CEP63: variants seen among roughly 807,000 people sequenced by gnomAD.
CEP63 encodes centrosomal protein of 63 kDa.
CEP63 carries 84 observed loss-of-function variants against 89.1 expected under a neutral mutation model. That is an observed-to-expected ratio of 0.94 (90% CI 0.79 to 1.13). The LOEUF (loss-of-function observed/expected upper bound fraction) is 1.13. CEP63 is among the 50% of genes most tolerant of loss of function. CEP63 has a pLI of 0.00. For missense variants in CEP63, 838 were observed against 813.3 expected (o/e 1.03, Z -0.37); for synonymous variants, 267 against 272.5 (o/e 0.98, Z 0.20).
At chr3:134,519,778 C>T (rs1393441419) in intron 3 of CEP63, among the ~76,000 whole-genome samples, 1 of 151,968 alleles carries the variant, frequency 6.6e-6, no homozygotes, top group Non-Finnish European at 1.5e-5. Flanking sequence ...TGGGTTGTTT[C>T]AACATTCATA....
At chr3:134,775,486 C>A in the CEP63 span, among the ~76,000 whole-genome samples, 981 of 152,262 alleles carry the variant, frequency 6.4e-3, 6 homozygotes, top group African/African-American at 0.021. Flanking sequence ...GAGGCAGTGC[C>A]CATTTGGCCA....
At chr3:134,701,243 C>A in the CEP63 span, among the ~76,000 whole-genome samples, 1 of 109,918 alleles carries the variant, frequency 9.1e-6, no homozygotes, top group African/African-American at 4.3e-5. Flanking sequence ...TATATACACA[C>A]ATATATACAT....
the CEP63 span, among the ~76,000 whole-genome samples, chr3:134,768,375 T>A: frequency 1.3e-5 from 2 of 152,222 alleles, no homozygotes; most frequent in African/African-American, 2.4e-5. Context: ...CTGCAGACTT[T>A]GCCTACAGAT....
the CEP63 span, among the ~76,000 whole-genome samples, chr3:134,734,241 T>C: frequency 6.6e-6 from 1 of 152,174 alleles, no homozygotes; most frequent in Admixed American, 6.5e-5. Flanking sequence ...CTTTAGCAGG[T>C]GAATGGTTAA....
the CEP63 span, among the ~76,000 whole-genome samples, chr3:134,669,699 T>G: frequency 1.3e-5 from 2 of 152,224 alleles, no homozygotes; most frequent in Non-Finnish European, 2.9e-5. Flanking sequence ...CCATGGTTTC[T>G]GTAGGACTAA....
At chr3:134,771,055 C>G in the CEP63 span, among the ~76,000 whole-genome samples, 5 of 152,166 alleles carry the variant, frequency 3.3e-5, no homozygotes, top group African/African-American at 1.2e-4. Context: ...TGAACGAAGT[C>G]AAGGAGGGTA....
chr3:134,717,893 A>T, the CEP63 span, among the ~76,000 whole-genome samples: 63 of 152,272 alleles, frequency 4.1e-4, no homozygotes, highest in Non-Finnish European at 7.6e-4. Flanking sequence ...GTCTTTGGTG[A>T]TGGGAGCCCA....
chr3:134,640,523 A>G, the CEP63 span, among the ~76,000 whole-genome samples: 7 of 152,242 alleles, frequency 4.6e-5, no homozygotes, highest in Admixed American at 1.3e-4. Context: ...GGTCAACGCT[A>G]TTACTGTGAT....
the CEP63 span, among the ~76,000 whole-genome samples, chr3:134,650,660 G>A: frequency 8.0e-4 from 122 of 152,288 alleles, no homozygotes; most frequent in Non-Finnish European, 1.3e-3. Flanking sequence ...GCGTTGCCAC[G>A]GGACGCCGGT....
the CEP63 span, among the ~76,000 whole-genome samples, chr3:134,745,585 C>T: frequency 6.6e-6 from 1 of 152,192 alleles, no homozygotes; most frequent in East Asian, 1.9e-4. Context: ...GCGCAACGTG[C>T]AGATTTGTTA....
chr3:134,525,795 C>T (rs1237677614), intron 3 of CEP63, among the ~76,000 whole-genome samples: 1 of 152,152 alleles, frequency 6.6e-6, no homozygotes, highest in Non-Finnish European at 1.5e-5. Flanking sequence ...GGGTTTCTGC[C>T]AAGAGGTCTA....
chr3:134,703,882 G>T, the CEP63 span, among the ~76,000 whole-genome samples: 3 of 152,120 alleles, frequency 2.0e-5, no homozygotes, highest in Admixed American at 1.3e-4. Context: ...CCTGCCAAAG[G>T]CTTCTAAATC....
At chr3:134,703,228 G>A in the CEP63 span, among the ~76,000 whole-genome samples, 13 of 149,448 alleles carry the variant, frequency 8.7e-5, no homozygotes, top group African/African-American at 2.5e-4. Context: ...CCTGGAAGGC[G>A]AAGCTTGCAC....
chr3:134,542,888 T>C (rs1952349830), intron 6 of CEP63, among the ~76,000 whole-genome samples: 1 of 150,816 alleles, frequency 6.6e-6, no homozygotes, highest in Non-Finnish European at 1.5e-5. Context: ...TGCTAAATGT[T>C]AGATTAATAA....
At chr3:134,756,906 G>A in the CEP63 span, among the ~76,000 whole-genome samples, 15 of 152,290 alleles carry the variant, frequency 9.8e-5, no homozygotes, top group East Asian at 2.9e-3. Context: ...GCTAGTAGGA[G>A]AAACTGCTAT....
the CEP63 span, among the ~76,000 whole-genome samples, chr3:134,733,223 A>G: frequency 6.6e-6 from 1 of 152,190 alleles, no homozygotes; most frequent in Non-Finnish European, 1.5e-5. Flanking sequence ...CTGAATAATA[A>G]TAAGTGCCTC....
chr3:134,772,408 C>T, the CEP63 span, among the ~76,000 whole-genome samples: 1 of 152,176 alleles, frequency 6.6e-6, no homozygotes. Flanking sequence ...AGACACTTGG[C>T]TTGTGGACAC....
At chr3:134,610,475 C>T in the CEP63 span, 14 of 1,050,110 alleles carry the variant, frequency 1.3e-5, no homozygotes, top group South Asian at 2.1e-4. Flanking sequence ...ATGTTTGCTG[C>T]CCATCAGTCC....
intron 3 of CEP63, among the ~76,000 whole-genome samples, chr3:134,509,635 A>G (rs1296334644): frequency 6.6e-6 from 1 of 152,222 alleles, no homozygotes; most frequent in African/African-American, 2.4e-5. Context: ...TGTAATAATA[A>G]GACAATATTG....
Sources: gnomAD v4.1 joint callset for allele counts (sites outside exome capture counted in the v4.1 genomes callset) on GRCh38, gnomAD v4.1.1 for gene constraint, MANE v1.5 for transcripts, NCBI Gene and HGNC (gene_info 2026-07-23, HGNC 2026-07-21) for gene names.